Variants in CSRNP3 observed in about 807,000 individuals in gnomAD.
CSRNP3 encodes the protein cysteine and serine rich nuclear protein 3.
In CSRNP3, 12 loss-of-function variants were observed where a neutral mutation model predicts 48.0. The observed-to-expected ratio is 0.25, with a 90% CI of 0.16 to 0.41. The LOEUF is 0.41. Among genes scored for constraint, CSRNP3 ranks in the 10% least tolerant of loss-of-function variants. The pLI, the probability that CSRNP3 is intolerant of heterozygous loss-of-function variation, is 1.00. For missense variants in CSRNP3, 580 were observed against 724.4 expected (o/e 0.80, Z 2.29); for synonymous variants, 263 against 269.7 (o/e 0.98, Z 0.24).
chr2:165,572,564 C>G (rs1195992687), intron 3 of CSRNP3: 1 of 152,138 alleles, frequency 6.6e-6, no homozygotes, highest in Non-Finnish European at 1.5e-5. Context: ...AGTGCAAGGA[C>G]TAAGACTACA....
chr2:165,477,765 C>T (rs1191339670), intron 1 of CSRNP3, among the ~76,000 whole-genome samples: 1 of 151,734 alleles, frequency 6.6e-6, no homozygotes, highest in Non-Finnish European at 1.5e-5. Context: ...TCACTTGAGG[C>T]CAAGAATTTG....
rs767417486 is a variant in CSRNP3, at chr2:165,579,239, A to G, written c.-23-15804A>G. 5.7e-4 allele frequency among the ~76,000 whole-genome samples: 87 copies of G among 152,286 alleles called. 1 individual carries two copies. The highest frequency in any genetic ancestry group is 6.8e-3 in the Middle Eastern group (2 of 294). ...GAGGTTATCCTAGGTAATACTGAGC[A>G]GTTAATGGTTAGAATTTGAATGGGA... On this transcript the variant is annotated intron_variant, in intron 3 of 6. Transcript: ENST00000651982.
intron 6 of CSRNP3, 108 bp downstream of exon 6, chr2:165,676,716 T>G (rs1687432184): frequency 1.0e-6 from 1 of 973,942 alleles, no homozygotes; most frequent in Non-Finnish European, 1.5e-6. Flanking sequence ...AAAGAAAATT[T>G]TTTGGCAAGG....
chr2:165,558,684 C>T (rs533093587), intron 3 of CSRNP3, among the ~76,000 whole-genome samples: 36 of 152,006 alleles, frequency 2.4e-4, no homozygotes, highest in South Asian at 6.2e-4. Context: ...ATTATGTAGC[C>T]GCAATAATTA....
intron 4 of CSRNP3, among the ~76,000 whole-genome samples, chr2:165,609,539 C>G (rs1047618996): frequency 2.0e-5 from 2 of 101,814 alleles, no homozygotes; most frequent in Non-Finnish European, 4.5e-5. Context: ...TCTATAAATA[C>G]TGATAAAAAA....
intron 3 of CSRNP3, among the ~76,000 whole-genome samples, chr2:165,576,305 T>C (rs1685450040): frequency 6.6e-6 from 1 of 152,008 alleles, no homozygotes; most frequent in Non-Finnish European, 1.5e-5. Flanking sequence ...TGTTTAATTT[T>C]ATATTTAATT....
chr2:165,679,449 A>G lies in CSRNP3; in HGVS notation c.1454A>G (p.Glu485Gly). The G allele has an allele frequency of 5.6e-6, 9 of 1,613,278 alleles. No individual in the cohort carries two copies. The highest frequency in any genetic ancestry group is 6.8e-6 in the Non-Finnish European group (8 of 1,179,860). ...TTCGTTGACTATGCCCGACAAGCAG[A>G]AGAGGCCTATGGTGCCTCCCACTAC... ...EQFVDYARQA[E>G]EAYGASHYPA... Residue 485 changes from glutamate (E) to glycine (G), a missense_variant, in exon 7 of 7, where the codon GAA becomes GGA. Around this residue, in one of 4 missense-constraint regions of CSRNP3, gnomAD observed 369 missense variants for 380.8 expected, o/e 0.97. Transcript: ENST00000651982.
chr2:165,500,276 T>A (rs1684338490), intron 2 of CSRNP3, among the ~76,000 whole-genome samples: 1 of 151,070 alleles, frequency 6.6e-6, no homozygotes, highest in African/African-American at 2.4e-5. Context: ...GGTGGAAATA[T>A]CATGTGAGAT....
In CSRNP3 at chr2:165,657,984, C is replaced by A; in HGVS notation, c.372C>A (p.His124Gln). The A allele has an allele frequency of 6.2e-7, 1 of 1,613,622 alleles. No individual in the cohort carries two copies. Among genetic ancestry groups the A allele is most frequent in the Non-Finnish European group, 8.5e-7 (1 of 1,179,886 alleles). The change falls in exon 5 of 7, where the codon CAC becomes CAA. Residue 124 changes from histidine to glutamine, a missense_variant. Physicochemically the swap from His to Gln is conservative, Grantham distance 24 (BLOSUM62 0). Around this residue, in one of 4 missense-constraint regions of CSRNP3, gnomAD observed 62 missense variants for 66.4 expected, o/e 0.93. Transcript: ENST00000651982. The part of the protein sequence containing the change: ...ERLHREMLRE[H>Q]LREEKLNSLK... ...TCCACCGGGAGATGTTGAGAGAACA[C>A]CTTAGGGAGGAAAAGCTGAACTCCT...
intron 2 of CSRNP3, among the ~76,000 whole-genome samples, chr2:165,503,961 T>C (rs562666602): frequency 3.3e-5 from 5 of 152,094 alleles, no homozygotes; most frequent in African/African-American, 1.2e-4. Context: ...TAAAGTTGTA[T>C]CAGAATCTTA....
chr2:165,615,442 T>C (rs896702275), intron 4 of CSRNP3, among the ~76,000 whole-genome samples: 2 of 151,544 alleles, frequency 1.3e-5, no homozygotes, highest in African/African-American at 4.8e-5. Flanking sequence ...ACTCAGGAGG[T>C]TGAGGCAGGA....
intron 6 of CSRNP3, among the ~76,000 whole-genome samples, chr2:165,678,069 C>G (rs1265446830): frequency 6.6e-6 from 1 of 152,108 alleles, no homozygotes; most frequent in Non-Finnish European, 1.5e-5. Flanking sequence ...CAGTACAGTA[C>G]ACACACATGC....
At chr2:165,655,072 T>C (rs1372271028) in intron 4 of CSRNP3, among the ~76,000 whole-genome samples, 1 of 152,190 alleles carries the variant, frequency 6.6e-6, no homozygotes, top group Non-Finnish European at 1.5e-5. Flanking sequence ...GAATGTTTCA[T>C]GGGGGAAAAA....
At chr2:165,556,571 C>A (rs1296327988) in intron 3 of CSRNP3, among the ~76,000 whole-genome samples, 2 of 151,694 alleles carry the variant, frequency 1.3e-5, no homozygotes, top group Non-Finnish European at 2.9e-5. Context: ...GCATGGCAAC[C>A]AAGAATCAAA....
At chr2:165,567,681 A>G (rs1468207578) in intron 3 of CSRNP3, among the ~76,000 whole-genome samples, 1 of 152,056 alleles carries the variant, frequency 6.6e-6, no homozygotes, top group African/African-American at 2.4e-5. Context: ...CTTAGTTTGC[A>G]TTATCCAAAA....
intron 4 of CSRNP3, among the ~76,000 whole-genome samples, chr2:165,618,239 A>T (rs1686283067): frequency 6.6e-6 from 1 of 151,680 alleles, no homozygotes; most frequent in Non-Finnish European, 1.5e-5. Flanking sequence ...TGCAGTGGGG[A>T]CTCCATCCTG....
Position 165,686,969 on chromosome 2 carries a change from C to T in CSRNP3, c.*7216C>T, listed in dbSNP as rs1213469366. On this transcript the variant is annotated 3_prime_UTR_variant, in exon 7 of 7. Coordinates refer to ENST00000651982, the MANE Select transcript of CSRNP3 (RefSeq NM_001172173.2). ...CCACCAGGGAAGACTGTCACTTAGG[C>T]ATGCCCAACAGGAGAGATCGCCATC... 1 of 152,110 alleles carries T rather than the reference C, an allele frequency of 6.6e-6. No homozygotes were observed. Among genetic ancestry groups the T allele is most frequent in the East Asian group, 1.9e-4 (1 of 5,186 alleles). The allele number at this position is 152,110 out of a possible 1,614,324, so 9.4% of individuals were successfully genotyped here.
chr2:165,561,542 A>G lies in CSRNP3; in HGVS notation c.-23-33501A>G, dbSNP rs921159358. On this transcript the variant is annotated intron_variant, in intron 3 of 6. Transcript: ENST00000651982. ...TTTAACATTGGTAATTTATTCACTG[A>G]ATCCAAAATGGACTGCTCATTTGGA... Among the ~76,000 whole-genome samples, 5 of 152,134 alleles carry G rather than the reference A, an allele frequency of 3.3e-5. No individual in the cohort carries two copies. The South Asian group carries it at 8.3e-4, about 25-fold the overall frequency.
chr2:165,482,265 CTT>C (rs5836042), intron 1 of CSRNP3, among the ~76,000 whole-genome samples: 1 of 143,278 alleles, frequency 7.0e-6, no homozygotes. Context: ...AAGAGATGTG[CTT>C]TTTTTTTTTT....
Sources: allele counts gnomAD v4.1 joint callset (sites outside exome capture counted in the v4.1 genomes callset), GRCh38; gene constraint gnomAD v4.1.1; regional missense constraint gnomAD v4.1.1; transcripts MANE v1.5; gene names NCBI Gene and HGNC (gene_info 2026-07-23, HGNC 2026-07-21).